Variants in SLC4A3 observed in about 807,000 individuals in gnomAD.
The protein encoded by SLC4A3 is solute carrier family 4 member 3.
A neutral mutation model predicts 114.2 loss-of-function variants in SLC4A3; 47 were observed. The ratio of observed to expected loss-of-function variants is 0.41; its 90% CI spans 0.33 to 0.52. The LOEUF (loss-of-function observed/expected upper bound fraction) is 0.52. Ranked by LOEUF, SLC4A3 falls within the 20% of genes least tolerant of loss-of-function variation. The probability of loss-of-function intolerance (pLI) is 0.21; values close to 1 mark genes in which losing one functional copy is unlikely to be tolerated. For missense variants in SLC4A3, 1,312 were observed against 1,668.3 expected, an observed-to-expected ratio of 0.79 and a Z score of 3.72; for synonymous variants, 693 against 710.3, an observed-to-expected ratio of 0.98 and a Z score of 0.39.
In SLC4A3 at chr2:219,641,930, C is replaced by CA; in HGVS notation, c.*203dup. The CA allele has an allele frequency of 1.8e-6, 1 of 555,002 alleles. No individual in the cohort carries two copies. The highest frequency in any genetic ancestry group is 3.2e-6 in the Non-Finnish European group (1 of 310,414). The allele number at this position is 555,002 out of a possible 1,614,324, so 34.4% of individuals were successfully genotyped here. A position where few individuals can be genotyped will look rare whatever the true frequency, so the allele number is the denominator to read the frequency against. On this transcript the variant is annotated 3_prime_UTR_variant, in exon 23 of 23. Coordinates refer to ENST00000358055, the MANE Select transcript of SLC4A3 (RefSeq NM_005070.4). This position sits in a 1 kb window ranked among gnomAD's most constrained non-coding sequence, Gnocchi z 4.0. ...CCTCACCTTTCACAGACCAGACCGG[C>CA]ACAGGCTTTGAGCTCATTATAACCA...
At chr2:219,629,465 A>T (rs778308384) in intron 4 of SLC4A3, 44 bp downstream of exon 4, 5 of 1,602,930 alleles carry the variant, frequency 3.1e-6, no homozygotes, top group Non-Finnish European at 4.3e-6. Context: ...GGGGTCAGGG[A>T]GGGGTACAGA....
At position 219,638,918 on chromosome 2, in the gene SLC4A3, G is replaced by C. The variant is rs778297269; in HGVS notation, c.3023+49G>C. ...TGGGAGGGACGAGGCCAAGCTCCTT[G>C]GCTCCTTGGCTTGGTTTCAGGGTTA... is the stretch of plus-strand genomic sequence containing the variant. On this transcript the variant is annotated intron_variant, in intron 19 of 22. Coordinates refer to ENST00000358055, the MANE Select transcript of SLC4A3 (RefSeq NM_005070.4). The surrounding 1 kb of genome is among the most constrained non-coding windows in gnomAD (Gnocchi z 7.5). 13 of 1,590,122 alleles carry C rather than the reference G, an allele frequency of 8.2e-6. No individual in the cohort carries two copies. The Admixed American group carries it at 2.2e-4, about 27-fold the overall frequency.
chr2:219,627,786 G>A (rs1410832401), intron 1 of SLC4A3, 41 bp downstream of exon 1: 1 of 419,450 alleles, frequency 2.4e-6, no homozygotes, highest in African/African-American at 2.1e-5. Context: ...CGGGGGACCC[G>A]GGCTGTCCCG....
Position 219,640,831 on chromosome 2 carries a change from G to T in SLC4A3, c.3490G>T (p.Gly1164Cys). 6.2e-7 allele frequency: 1 copy of T among 1,612,630 alleles called. No homozygotes were observed. ...GCATCTGTTCACCTGCATCCAGCTG[G>T]GCTGCATCGCACTGCTCTGGGTGGT... ...RMHLFTCIQL[G>C]CIALLWVVKS... Residue 1164 changes from glycine (G) to cysteine (C), a missense_variant, in exon 22 of 23, where the codon GGC (glycine) becomes TGC (cysteine). Gly to Cys is a radical substitution (Grantham distance 159). This residue lies in a region of SLC4A3 where 301 missense variants were observed against 460.7 expected (regional missense o/e 0.65). Coordinates refer to ENST00000358055, the MANE Select transcript of SLC4A3 (RefSeq NM_005070.4).
chr2:219,633,324 G>C lies in SLC4A3; in HGVS notation c.1328G>C (p.Ser443Thr). 1 of 1,602,074 alleles carries C rather than the reference G, an allele frequency of 6.2e-7. No individual in the cohort carries two copies. The highest frequency in any genetic ancestry group is 8.5e-7 in the Non-Finnish European group (1 of 1,172,346). Residue 443 changes from serine (S) to threonine (T), a missense_variant, in exon 10 of 23, where the codon AGC (serine) becomes ACC (threonine). This residue lies in a region of SLC4A3 where 771 missense variants were observed against 977.7 expected (regional missense o/e 0.79). Transcript: ENST00000358055. Reference protein sequence around the residue: ...DSGFFPRNPSSSSMNSVLGNH... With the variant: ...DSGFFPRNPSTSSMNSVLGNH... ...GGCTTCTTTCCCCGAAACCCATCGA[G>C]CTCCAGCATGAACTCGGTTCTGGGG...
rs1365461877 is a variant in SLC4A3 at position 219,629,165 on chromosome 2, A to G, written c.239A>G (p.His80Arg). The change falls in exon 4 of 23, where the codon CAC becomes CGC. Residue 80 changes from histidine (H) to arginine (R), a missense_variant. This residue lies in a region of SLC4A3 where 236 missense variants were observed against 212.1 expected (regional missense o/e 1.11). Coordinates refer to ENST00000358055, the MANE Select transcript of SLC4A3 (RefSeq NM_005070.4). ...CCAGTTCACCGGCACACATCCCACCACACCCACCACCCGCTCTCAGCGCGC... is the reference window on the plus strand; with the variant it reads ...CCAGTTCACCGGCACACATCCCACCGCACCCACCACCCGCTCTCAGCGCGC... ...DFEFHRHTSH[H>R]THHPLSARLP... The G allele has an allele frequency of 1.9e-6, 3 of 1,603,376 alleles. No individual in the cohort carries two copies. In the South Asian group the frequency reaches 3.4e-5, roughly 18 times the overall value.
chr2:219,635,223 G>A, intron 12 of SLC4A3, 48 bp from the exon 13 acceptor site: 1 of 1,521,522 alleles, frequency 6.6e-7, no homozygotes, highest in Non-Finnish European at 9.1e-7. Flanking sequence ...CCCTCCTGGA[G>A]GCTCCCTTGG....
In SLC4A3 at chr2:219,630,144, C is replaced by G; in HGVS notation, c.612-9C>G. On this transcript the variant is annotated splice_polypyrimidine_tract_variant and intron_variant, in intron 5 of 22. Coordinates refer to ENST00000358055, the MANE Select transcript of SLC4A3 (RefSeq NM_005070.4). This position sits in a 1 kb window ranked among gnomAD's most constrained non-coding sequence, Gnocchi z 6.9. ...TGTCAAGTCCAAGGCTGCTGTGTTG[C>G]CTCCCCAGCTCCCCCAGCCCCCGGG... 6.2e-7 allele frequency: 1 copy of G among 1,612,754 alleles called. No individual in the cohort carries two copies.
Position 219,628,839 on chromosome 2 carries a change from C to T in SLC4A3, c.217+269C>T, listed in dbSNP as rs1035544957. On this transcript the variant is annotated intron_variant, in intron 3 of 22. Transcript: ENST00000358055. The surrounding 1 kb of genome is among the most constrained non-coding windows in gnomAD (Gnocchi z 4.8). The stretch of plus-strand genomic sequence containing the variant: ...CCACGGTGACCTTCCCCTTCCCCTT[C>T]GTCCCCACTCACTCCCTCCTTGTCC... 1.7e-5 allele frequency: 10 copies of T among 582,164 alleles called. No homozygotes were observed. Among genetic ancestry groups the T allele is most frequent in the East Asian group, 2.9e-5 (1 of 34,222 alleles). The allele number at this position is 582,164 out of a possible 1,614,324, so 36.1% of individuals were successfully genotyped here. A position where few individuals can be genotyped will look rare whatever the true frequency, so the allele number is the denominator to read the frequency against.
chr2:219,632,049 C>A lies in SLC4A3; in HGVS notation c.893C>A (p.Pro298His). The A allele has an allele frequency of 6.2e-7, 1 of 1,613,918 alleles. No homozygotes were observed. The highest frequency in any genetic ancestry group is 8.5e-7 in the Non-Finnish European group (1 of 1,179,966). Residue 298 changes from proline (P) to histidine (H), a missense_variant, in exon 7 of 23, where the codon CCC (proline) becomes CAC (histidine). By Grantham distance (77) the Pro-to-His change is moderately conservative (BLOSUM62 -2). Coordinates refer to ENST00000358055, the MANE Select transcript of SLC4A3 (RefSeq NM_005070.4). ...CGGACGCAGGGCGGGAGGGGCAGTC[C>A]CAGCGGCCTGGCCCCCATCCTTCGC... ...PSRTQGGRGS[P>H]SGLAPILRRK...
chr2:219,632,550 A>C, intron 8 of SLC4A3, 108 bp downstream of exon 8: 2 of 1,293,870 alleles, frequency 1.5e-6, no homozygotes, highest in Non-Finnish European at 2.1e-6. Flanking sequence ...GCAAGATCCA[A>C]CTGCCACCTG....
At chr2:219,632,168 G>A (rs749652265) in intron 7 of SLC4A3, 52 bp downstream of exon 7, 93 of 1,606,316 alleles carry the variant, frequency 5.8e-5, no homozygotes, top group Admixed American at 5.7e-4. Flanking sequence ...CCTCGGCCCC[G>A]GAGCCCTCCT....
intron 11 of SLC4A3, 87 bp from the exon 12 acceptor site, chr2:219,634,333 T>G (rs1285700425): frequency 1.5e-6 from 2 of 1,339,344 alleles, no homozygotes; most frequent in Non-Finnish European, 2.1e-6. Flanking sequence ...CCTGCTCAAC[T>G]GTCCATGATA....
chr2:219,627,850 C>CG (rs1698767875), intron 1 of SLC4A3, 50 bp from the exon 2 acceptor site: 1 of 642,330 alleles, frequency 1.6e-6, no homozygotes, highest in Non-Finnish European at 2.6e-6. Context: ...ATCCGGCTCC[C>CG]GGGTGGGGGG....
chr2:219,633,115 C>T (rs1197754805), intron 9 of SLC4A3, 106 bp downstream of exon 9: 3 of 1,436,422 alleles, frequency 2.1e-6, no homozygotes, highest in Non-Finnish European at 2.9e-6. Flanking sequence ...CCACAAGTGA[C>T]AGAGAGCTCA....
In SLC4A3 at chr2:219,635,836, G is replaced by A; in HGVS notation, c.2136G>A (p.Val712=). The A allele has an allele frequency of 6.3e-7, 1 of 1,583,330 alleles. No homozygotes were observed. The highest frequency in any genetic ancestry group is 8.6e-7 in the Non-Finnish European group (1 of 1,166,374). ...TGCACTCCCAGTGTGTGGCCGCTGT[G>A]CTCTTCATCTACTTCGCAGCCCTCA... ...DALHSQCVAA[V]LFIYFAALSP... Residue 712 remains valine (V), a synonymous_variant, in exon 14 of 23, where the codon GTG becomes GTA. Coordinates refer to ENST00000358055, the MANE Select transcript of SLC4A3 (RefSeq NM_005070.4).
chr2:219,638,775 A>G lies in SLC4A3; in HGVS notation c.2929A>G (p.Ser977Gly). The G allele has an allele frequency of 2.5e-6, 4 of 1,614,148 alleles. No individual in the cohort carries two copies. Among genetic ancestry groups the G allele is most frequent in the Non-Finnish European group, 3.4e-6 (4 of 1,180,012 alleles). The change falls in exon 19 of 23, where the codon AGT (serine) becomes GGT (glycine). Residue 977 changes from serine (S) to glycine (G), a missense_variant. This residue lies in a region of SLC4A3 where 301 missense variants were observed against 460.7 expected (regional missense o/e 0.65). Coordinates refer to ENST00000358055, the MANE Select transcript of SLC4A3 (RefSeq NM_005070.4). This position sits in a 1 kb window ranked among gnomAD's most constrained non-coding sequence, Gnocchi z 7.5. ...CTCGTGGTTCATCCCACCCCTGGGCAGTGCCCGTCCTTTCCCGCCGTGGAT... is the reference window on the plus strand; with the variant it reads ...CTCGTGGTTCATCCCACCCCTGGGCGGTGCCCGTCCTTTCCCGCCGTGGAT... Reference protein sequence around the residue: ...KRSWFIPPLGSARPFPPWMMV... With the variant: ...KRSWFIPPLGGARPFPPWMMV...
chr2:219,638,696 C>T lies in SLC4A3; in HGVS notation c.2857-7C>T. ...GTGTCCCTGAACCCTGTTTTCCTGC[C>T]ATGCAGAAGCTGACAGTGCCTACAG... On this transcript the variant is annotated splice_region_variant and splice_polypyrimidine_tract_variant and intron_variant, in intron 18 of 22. Transcript: ENST00000358055. The surrounding 1 kb of genome is among the most constrained non-coding windows in gnomAD (Gnocchi z 7.5). 6.2e-7 allele frequency: 1 copy of T among 1,613,338 alleles called. No homozygotes were observed. The highest frequency in any genetic ancestry group is 2.2e-5 in the East Asian group (1 of 44,876).
chr2:219,634,436 G>A lies in SLC4A3; in HGVS notation c.1578G>A (p.Leu526=), dbSNP rs1188719083. 6.2e-7 allele frequency: 1 copy of A among 1,614,118 alleles called. No individual in the cohort carries two copies. The highest frequency in any genetic ancestry group is 2.2e-5 in the East Asian group (1 of 44,874). The change falls in exon 12 of 23, where the codon TTG becomes TTA. Residue 526 remains leucine (L), a synonymous_variant. Transcript: ENST00000358055. The part of the protein sequence containing the change: ...TVVLVGCVPF[L]EQPAAAFVRL... ...TTCCCCTAGGTTGTGTGCCTTTCTT[G>A]GAGCAGCCTGCAGCAGCCTTCGTGC... is the stretch of plus-strand genomic sequence containing the variant.
Sources: gnomAD v4.1 joint callset for allele counts on GRCh38, gnomAD v4.1.1 for gene constraint, gnomAD v4.1.1 regional missense constraint, Gnocchi (gnomAD v3.1) non-coding constraint, MANE v1.5 for transcripts, NCBI Gene and HGNC (gene_info 2026-07-23, HGNC 2026-07-21) for gene names.